COL13A1: variants seen among roughly 807,000 people sequenced by gnomAD.
The protein encoded by COL13A1 is collagen alpha-1(XIII) chain.
COL13A1 carries 89 observed loss-of-function variants against 130.9 expected under a neutral mutation model. The observed-to-expected ratio is 0.68, with a 90% CI of 0.57 to 0.81. COL13A1 has a LOEUF of 0.81. COL13A1 is among the 30% of genes least tolerant of loss of function. The pLI is 0.00. For missense variants in COL13A1, 879 were observed against 934.6 expected (o/e 0.94, Z 0.78); for synonymous variants, 402 against 341.6 (o/e 1.18, Z -1.95).
chr10:69,852,973 C>G (rs1855352174), intron 2 of COL13A1, among the ~76,000 whole-genome samples: 1 of 152,166 alleles, frequency 6.6e-6, no homozygotes, highest in African/African-American at 2.4e-5. Flanking sequence ...CCTGGCCTCC[C>G]CAGCAAAGCC....
chr10:69,840,538 G>A (rs10998994), intron 2 of COL13A1, among the ~76,000 whole-genome samples: 11,459 of 152,236 alleles, frequency 0.075, 676 homozygotes, highest in East Asian at 0.18. Context: ...CAGCTTCACA[G>A]TGCATTTCCT....
intron 35 of COL13A1, among the ~76,000 whole-genome samples, chr10:69,943,111 G>A (rs576444513): frequency 1.3e-5 from 2 of 152,194 alleles, no homozygotes; most frequent in African/African-American, 4.8e-5. Context: ...GCCTCCCAAA[G>A]TGCTGGGATT....
At chr10:69,946,188 T>C (rs1044451552) in intron 37 of COL13A1, among the ~76,000 whole-genome samples, 6 of 151,656 alleles carry the variant, frequency 4.0e-5, no homozygotes, top group Non-Finnish European at 7.4e-5. Flanking sequence ...AAGAGGCAAC[T>C]GGTGATAGGC....
chr10:69,866,494 G>C (rs2058531737), intron 2 of COL13A1, among the ~76,000 whole-genome samples: 1 of 152,214 alleles, frequency 6.6e-6, no homozygotes, highest in Non-Finnish European at 1.5e-5. Context: ...CCCTCTGGCA[G>C]GCTGCGCTCA....
chr10:69,948,178 G>T (rs998469450), intron 38 of COL13A1, among the ~76,000 whole-genome samples: 1 of 152,218 alleles, frequency 6.6e-6, no homozygotes, highest in Non-Finnish European at 1.5e-5. Context: ...GAGAAACAAG[G>T]CCCAGACAAT....
intron 15 of COL13A1, 114 bp from the exon 16 acceptor site, chr10:69,904,819 G>A (rs2062570364): frequency 1.8e-6 from 2 of 1,139,394 alleles, no homozygotes; most frequent in Admixed American, 2.3e-5. Context: ...CTATTCTCTT[G>A]CCATAGCTAT....
At chr10:69,887,364 A>G in intron 7 of COL13A1, 92 bp from the exon 8 acceptor site, 1 of 1,320,916 alleles carries the variant, frequency 7.6e-7, no homozygotes, top group Non-Finnish European at 1.1e-6. Flanking sequence ...ACAAAGTGAG[A>G]GGGATGGGAG....
intron 4 of COL13A1, among the ~76,000 whole-genome samples, chr10:69,873,202 A>T (rs921377628): frequency 6.6e-6 from 1 of 152,184 alleles, no homozygotes; most frequent in African/African-American, 2.4e-5. Context: ...CCAGACCCTT[A>T]CGTTCCTCCC....
chr10:69,891,255 C>G (rs751472137), intron 10 of COL13A1, among the ~76,000 whole-genome samples: 2 of 152,176 alleles, frequency 1.3e-5, no homozygotes, highest in African/African-American at 4.8e-5. Flanking sequence ...CTTGGTATAA[C>G]AAAAACCTCA....
At chr10:69,804,021 G>C (rs997576089) in intron 1 of COL13A1, among the ~76,000 whole-genome samples, 1 of 152,090 alleles carries the variant, frequency 6.6e-6, no homozygotes, top group Admixed American at 6.5e-5. Context: ...CAGGGCAAGC[G>C]TACTGGTGCT....
At chr10:69,873,984 C>T (rs1427714176) in intron 4 of COL13A1, among the ~76,000 whole-genome samples, 1 of 152,200 alleles carries the variant, frequency 6.6e-6, no homozygotes, top group East Asian at 1.9e-4. Flanking sequence ...GGCATCCTCC[C>T]AGCAACTCCA....
chr10:69,914,733 A>G (rs1254484708), intron 17 of COL13A1, among the ~76,000 whole-genome samples: 1 of 152,162 alleles, frequency 6.6e-6, no homozygotes, highest in South Asian at 2.1e-4. Flanking sequence ...GGACCCTCCA[A>G]AGGAAAGAAT....
chr10:69,889,364 C>G, intron 9 of COL13A1, 50 bp from the exon 10 acceptor site: 1 of 1,590,886 alleles, frequency 6.3e-7, no homozygotes, highest in Non-Finnish European at 8.6e-7. Context: ...GAGGGTGGAA[C>G]TTCTGGGCTG....
At chr10:69,886,379 G>T (rs1386987811) in intron 7 of COL13A1, among the ~76,000 whole-genome samples, 1 of 152,210 alleles carries the variant, frequency 6.6e-6, no homozygotes, top group Admixed American at 6.5e-5. Context: ...CACAGTCATA[G>T]TCGGAGGCAG....
intron 39 of COL13A1, chr10:69,956,686 C>G: frequency 3.5e-6 from 1 of 288,972 alleles, no homozygotes; most frequent in Non-Finnish European, 6.8e-6. Context: ...GCAGCCGGCA[C>G]TCCATAGGGC....
chr10:69,921,827 C>G, intron 21 of COL13A1, 55 bp from the exon 22 acceptor site: 3 of 1,568,772 alleles, frequency 1.9e-6, no homozygotes, highest in South Asian at 2.4e-5. Context: ...GGTGGCTTCC[C>G]AAACCTGCTG....
At chr10:69,810,708 C>T (rs1842819947) in intron 1 of COL13A1, among the ~76,000 whole-genome samples, 1 of 152,144 alleles carries the variant, frequency 6.6e-6, no homozygotes, top group African/African-American at 2.4e-5. Flanking sequence ...CAGGCTTCTC[C>T]AAGGGAAACT....
intron 2 of COL13A1, among the ~76,000 whole-genome samples, chr10:69,866,343 C>A (rs1345984081): frequency 2.0e-5 from 3 of 152,196 alleles, no homozygotes; most frequent in Non-Finnish European, 4.4e-5. Flanking sequence ...CCCCGTCAGG[C>A]CTGGCAGGCG....
At chr10:69,951,609 C>T (rs893737248) in intron 38 of COL13A1, among the ~76,000 whole-genome samples, 1 of 152,184 alleles carries the variant, frequency 6.6e-6, no homozygotes, top group Non-Finnish European at 1.5e-5. Context: ...AAGTGACCCT[C>T]CTGCCTTGGC....
Sources: allele counts gnomAD v4.1 joint callset (sites outside exome capture counted in the v4.1 genomes callset), GRCh38; gene constraint gnomAD v4.1.1; transcripts MANE v1.5; gene names NCBI Gene and HGNC (gene_info 2026-07-23, HGNC 2026-07-21).